PTP4A1: variants seen among roughly 807,000 people sequenced by gnomAD.
PTP4A1 encodes protein tyrosine phosphatase type IVA 1.
PTP4A1 carries 9 observed loss-of-function variants against 20.5 expected under a neutral mutation model. The observed-to-expected ratio is 0.44, with a 90% CI of 0.26 to 0.77. The LOEUF (loss-of-function observed/expected upper bound fraction) is 0.77, where lower values mean the gene tolerates loss of function less well. Ranked by LOEUF, PTP4A1 falls within the 30% of genes least tolerant of loss-of-function variation. PTP4A1 has a pLI of 0.19. For synonymous variants in PTP4A1, 78 were observed against 67.4 expected, an observed-to-expected ratio of 1.16 and a Z score of -0.77; for missense variants, 137 against 218.8, an observed-to-expected ratio of 0.63 and a Z score of 2.36.
At chr6:63,530,529 T>C (rs780150486) in intron 2 of PTP4A1, among the ~76,000 whole-genome samples, 4 of 152,180 alleles carry the variant, frequency 2.6e-5, no homozygotes, top group Non-Finnish European at 5.9e-5. Context: ...ACAACTCCAG[T>C]GGACGCCGTT....
chr6:63,571,376 A>T (rs1268262990), upstream of PTP4A1: 42 of 152,232 alleles, frequency 2.8e-4, no homozygotes, highest in Admixed American at 2.7e-3. Flanking sequence ...TGAGTTCTTA[A>T]AAAGCAGGTA....
At chr6:63,557,459 G>C (rs2149493541) in intron 3 of PTP4A1, among the ~76,000 whole-genome samples, 1 of 152,156 alleles carries the variant, frequency 6.6e-6, no homozygotes, top group East Asian at 1.9e-4. Context: ...AGCTACTCAG[G>C]AGGCTGAGGC....
chr6:63,571,336 A>G (rs537574516), upstream of PTP4A1: 10 of 152,350 alleles, frequency 6.6e-5, no homozygotes, highest in East Asian at 1.9e-3. Flanking sequence ...TGAAAATAAC[A>G]AACAAAAGGC....
At chr6:63,534,161 TG>T in intron 2 of PTP4A1, among the ~76,000 whole-genome samples, 1 of 152,194 alleles carries the variant, frequency 6.6e-6, no homozygotes, top group East Asian at 1.9e-4. Context: ...ATTTTTTTAA[TG>T]TGGAAACTGC....
intron 2 of PTP4A1, among the ~76,000 whole-genome samples, chr6:63,546,808 C>A (rs1779782): frequency 0.54 from 81,444 of 151,934 alleles, 23,535 homozygotes; most frequent in African/African-American, 0.76. Flanking sequence ...TGTTACACAC[C>A]TGAAAATTTT....
intron 2 of PTP4A1, among the ~76,000 whole-genome samples, chr6:63,542,080 T>C (rs1273281258): frequency 6.7e-6 from 1 of 149,982 alleles, no homozygotes; most frequent in Non-Finnish European, 1.5e-5. Flanking sequence ...CACAATGGAA[T>C]ACTACTCAGC....
intron 3 of PTP4A1, among the ~76,000 whole-genome samples, chr6:63,554,106 C>A (rs921556073): frequency 6.6e-6 from 1 of 152,100 alleles, no homozygotes; most frequent in African/African-American, 2.4e-5. Flanking sequence ...ACTGAAAGCA[C>A]AAATATTCAA....
rs867614711 is a variant in PTP4A1 at position 63,574,127 on chromosome 6, T to C, written c.-446+1408T>C. ...TCCTGTTACTCAGTCAGTTGAAAACTAGAAAACTAAATCATTCCCAAGAGT... is the reference window on the plus strand; with the variant it reads ...TCCTGTTACTCAGTCAGTTGAAAACCAGAAAACTAAATCATTCCCAAGAGT... On this transcript the variant is annotated intron_variant, in intron 1 of 5. Transcript: ENST00000626021. Among the ~76,000 whole-genome samples, 28 of 152,190 alleles carry C rather than the reference T, an allele frequency of 1.8e-4. 1 individual carries two copies. The highest frequency in any genetic ancestry group is 3.9e-4 in the Admixed American group (6 of 15,284).
chr6:63,572,510 G>T lies in PTP4A1; in HGVS notation c.-655G>T, dbSNP rs1777505759. ...GGCGCGTGTATTGGCTCCTTCGGCT[G>T]CGGGCCGGCTCGGCTACGCGCTCTG... On this transcript the variant is annotated 5_prime_UTR_variant, in exon 1 of 6. Transcript: ENST00000626021. 1 of 390,676 alleles carries T rather than the reference G, an allele frequency of 2.6e-6. No homozygotes were observed. Among genetic ancestry groups the T allele is most frequent in the South Asian group, 1.3e-4 (1 of 7,862 alleles). 24.2% of individuals were successfully genotyped at this position (390,676 alleles called of 1,614,324 possible).
At chr6:63,546,425 G>C (rs1476975035) in intron 2 of PTP4A1, among the ~76,000 whole-genome samples, 1 of 152,220 alleles carries the variant, frequency 6.6e-6, no homozygotes, top group Non-Finnish European at 1.5e-5. Context: ...ACAACATTTG[G>C]CCGGGTGCGG....
At chr6:63,529,169 ATATATATG>A (rs1190507962) in intron 2 of PTP4A1, among the ~76,000 whole-genome samples, 1 of 147,394 alleles carries the variant, frequency 6.8e-6, no homozygotes, top group Admixed American at 6.9e-5. Flanking sequence ...GTGTGTATAT[ATATATATG>A]TATATATATG....
At chr6:63,536,869 G>C (rs186498845) in intron 2 of PTP4A1, among the ~76,000 whole-genome samples, 1 of 151,768 alleles carries the variant, frequency 6.6e-6, no homozygotes, top group Admixed American at 6.6e-5. Context: ...GTAACATAAG[G>C]GTCCCCCTAA....
In PTP4A1 at chr6:63,580,427, C is replaced by G. The variant is rs750484690; in HGVS notation, c.*253C>G. On this transcript the variant is annotated 3_prime_UTR_variant, in exon 6 of 6. Coordinates refer to ENST00000626021, the MANE Select transcript of PTP4A1 (RefSeq NM_003463.5). ...GTGCTTGTCATTTGTATCAATTGAC[C>G]TTTCCCCAAATCATGCAGTATTGAG... 1.2e-4 allele frequency: 48 copies of G among 398,098 alleles called. No individual in the cohort carries two copies. The highest frequency in any genetic ancestry group is 1.9e-4 in the Non-Finnish European group (42 of 216,438). The allele number at this position is 398,098 out of a possible 1,614,324, so 24.7% of individuals were successfully genotyped here. A position where few individuals can be genotyped will look rare whatever the true frequency, so the allele number is the denominator to read the frequency against.
At chr6:63,534,729 C>T (rs1237757410) in intron 2 of PTP4A1, among the ~76,000 whole-genome samples, 1 of 143,442 alleles carries the variant, frequency 7.0e-6, no homozygotes, top group East Asian at 2.0e-4. Flanking sequence ...AGGTGGATCA[C>T]CTGAGGTCAG....
chr6:63,529,217 G>GT (rs1775344989), intron 2 of PTP4A1, among the ~76,000 whole-genome samples: 5 of 146,536 alleles, frequency 3.4e-5, no homozygotes, highest in African/African-American at 1.3e-4. Flanking sequence ...ATATATATTT[G>GT]CTAATAACTT....
chr6:63,529,191 G>GTA (rs550043262), intron 2 of PTP4A1, among the ~76,000 whole-genome samples: 119 of 141,818 alleles, frequency 8.4e-4, no homozygotes, highest in African/African-American at 1.8e-3. Context: ...ATATATGTGT[G>GTA]TATATATATA....
intron 3 of PTP4A1, among the ~76,000 whole-genome samples, chr6:63,559,590 C>G (rs1776847468): frequency 6.6e-6 from 1 of 151,890 alleles, no homozygotes; most frequent in Admixed American, 6.6e-5. Flanking sequence ...ACTAAAAATA[C>G]AAAAATTAGC....
chr6:63,528,504 C>T lies in PTP4A1; in HGVS notation c.-640+420C>T, dbSNP rs116890734. ...CTTTGGGAGGCCAAGGTGGACAGATCGCCTGAGCCCAGGTGTTCAAGGCCA... is the reference window on the plus strand; with the variant it reads ...CTTTGGGAGGCCAAGGTGGACAGATTGCCTGAGCCCAGGTGTTCAAGGCCA... On this transcript the variant is annotated intron_variant, in intron 2 of 3. Transcript: ENST00000639568. 9.9e-3 allele frequency among the ~76,000 whole-genome samples: 1,508 copies of T among 151,900 alleles called. 50 individuals carry two copies. The highest frequency in any genetic ancestry group is 0.02 in the East Asian group (102 of 5,162).
chr6:63,532,833 G>GA (rs578165826), intron 2 of PTP4A1, among the ~76,000 whole-genome samples: 23 of 150,168 alleles, frequency 1.5e-4, no homozygotes, highest in Non-Finnish European at 2.7e-4. Context: ...ATATCGTCTG[G>GA]AAAAAAAAAT....
Sources: gnomAD v4.1 joint callset for allele counts (sites outside exome capture counted in the v4.1 genomes callset) on GRCh38, gnomAD v4.1.1 for gene constraint, MANE v1.5 for transcripts, NCBI Gene and HGNC (gene_info 2026-07-23, HGNC 2026-07-21) for gene names.